Variants in PPP1R13L observed in about 807,000 individuals in gnomAD.
PPP1R13L encodes relA-associated inhibitor.
In PPP1R13L, 50 loss-of-function variants were observed where a neutral mutation model predicts 80.9. The ratio of observed to expected loss-of-function variants is 0.62; its 90% CI spans 0.49 to 0.78. The LOEUF (loss-of-function observed/expected upper bound fraction) is 0.78, where lower values mean the gene tolerates loss of function less well. PPP1R13L is among the 30% of genes least tolerant of loss of function. The probability of loss-of-function intolerance (pLI) is 0.00; values close to 1 mark genes in which losing one functional copy is unlikely to be tolerated. For missense variants in PPP1R13L, 1,200 were observed against 1,205.9 expected, an observed-to-expected ratio of 1.00 and a Z score of 0.07; for synonymous variants, 602 against 534.3, an observed-to-expected ratio of 1.13 and a Z score of -1.75.
In PPP1R13L at chr19:45,398,045, G is replaced by C; in HGVS notation, c.158C>G (p.Ser53Cys). 1 of 1,614,048 alleles carries C rather than the reference G, an allele frequency of 6.2e-7. No individual in the cohort carries two copies. The change falls in exon 3 of 13, where the codon TCT becomes TGT. Residue 53 changes from serine to cysteine, a missense_variant. This residue lies in a region of PPP1R13L where 764 missense variants were observed against 714.5 expected (regional missense o/e 1.07). Transcript: ENST00000360957. ...GGCCTGCGGGCCAGGAGGCGCGGGA[G>C]AGTCTGACCACAGCGACTCCAGCTG... Reference protein sequence around the residue: ...TKQLESLWSDSPAPPGPQAGP... With the variant: ...TKQLESLWSDCPAPPGPQAGP...
At chr19:45,389,589 C>G (rs1972930249) in intron 8 of PPP1R13L, among the ~76,000 whole-genome samples, 1 of 152,044 alleles carries the variant, frequency 6.6e-6, no homozygotes, top group Admixed American at 6.6e-5. Flanking sequence ...GCGGGCAGAT[C>G]ACTTGAGGTC....
chr19:45,395,388 T>G, intron 7 of PPP1R13L, 48 bp downstream of exon 7: 2 of 1,562,294 alleles, frequency 1.3e-6, no homozygotes, highest in Non-Finnish European at 8.6e-7. Context: ...CCCCCTGCCA[T>G]TTGTCCTCCC....
At chr19:45,402,318 T>C (rs1973249623) in intron 1 of PPP1R13L, among the ~76,000 whole-genome samples, 2 of 152,210 alleles carry the variant, frequency 1.3e-5, no homozygotes, top group African/African-American at 2.4e-5. Flanking sequence ...CCTAGCCTCA[T>C]GGGATCCTCC....
At position 45,395,866 on chromosome 19, in the gene PPP1R13L, G is replaced by T; in HGVS notation, c.924C>A (p.Thr308=). 2 of 1,594,246 alleles carry T rather than the reference G, an allele frequency of 1.3e-6. No homozygotes were observed. The highest frequency in any genetic ancestry group is 2.3e-5 in the South Asian group (2 of 88,164). Residue 308 remains threonine (T), a synonymous_variant, in exon 7 of 13, where the codon ACC becomes ACA. Coordinates refer to ENST00000360957, the MANE Select transcript of PPP1R13L (RefSeq NM_006663.4). The part of the protein sequence containing the change: ...GTGKDNLTSA[T]LPRNYKVSPL... ...GAGAGACCTTGTAATTGCGCGGCAGGGTGGCGCTAGTGAGGTTGTCCTGGG... is the reference window on the plus strand; with the variant it reads ...GAGAGACCTTGTAATTGCGCGGCAGTGTGGCGCTAGTGAGGTTGTCCTGGG...
intron 1 of PPP1R13L, among the ~76,000 whole-genome samples, chr19:45,403,508 T>C (rs1973271196): frequency 6.6e-6 from 1 of 152,128 alleles, no homozygotes; most frequent in Non-Finnish European, 1.5e-5. Flanking sequence ...AGACAGAAGC[T>C]GGCAAAAGCC....
At chr19:45,392,600 A>C in intron 7 of PPP1R13L, 2 of 580,776 alleles carry the variant, frequency 3.4e-6, no homozygotes, top group South Asian at 3.8e-5. Flanking sequence ...TGTGAGGTAG[A>C]TACACTGCCA....
At chr19:45,383,611 A>G (rs1313777667) in intron 11 of PPP1R13L, among the ~76,000 whole-genome samples, 2 of 151,360 alleles carry the variant, frequency 1.3e-5, no homozygotes, top group African/African-American at 4.9e-5. Context: ...TCCTTCTTGT[A>G]CATTGCTGAA....
intron 8 of PPP1R13L, among the ~76,000 whole-genome samples, chr19:45,389,942 C>G (rs935955038): frequency 2.0e-5 from 3 of 151,544 alleles, no homozygotes; most frequent in African/African-American, 7.3e-5. Flanking sequence ...TACAGGCGCC[C>G]GCCACCACCC....
At chr19:45,400,760 ATTTTTTTTT>A (rs887299061) in intron 1 of PPP1R13L, among the ~76,000 whole-genome samples, 3 of 25,966 alleles carry the variant, frequency 1.2e-4, no homozygotes, top group Non-Finnish European at 1.7e-4. Context: ...CACCCAGCTA[ATTTTTTTTT>A]TTTTTTTTTT....
chr19:45,397,126 C>T (rs1472172419), intron 3 of PPP1R13L, 68 bp from the exon 4 acceptor site: 3 of 1,198,284 alleles, frequency 2.5e-6, no homozygotes, highest in African/African-American at 1.6e-5. Flanking sequence ...GGTGTGTGGG[C>T]GGGGGTGTCA....
At chr19:45,383,364 GT>G in intron 11 of PPP1R13L, among the ~76,000 whole-genome samples, 1 of 143,986 alleles carries the variant, frequency 6.9e-6, no homozygotes, top group East Asian at 2.0e-4. Flanking sequence ...CAATGGTGCG[GT>G]CTCACTGCAA....
chr19:45,382,600 C>G lies in PPP1R13L; in HGVS notation c.2375G>C (p.Gly792Ala), dbSNP rs760263326. Residue 792 changes from glycine to alanine, a missense_variant, in exon 12 of 13, where the codon GGG becomes GCG. Around this residue, in one of 5 missense-constraint regions of PPP1R13L, gnomAD observed 165 missense variants for 177.1 expected, o/e 0.93. Coordinates refer to ENST00000360957, the MANE Select transcript of PPP1R13L (RefSeq NM_006663.4). ...CCACCACCAGTCGGTCTCCTCCGGC[C>G]CGTCCCTCCGCAGCACGGTGACCGA... Reference protein sequence around the residue: ...GESVTVLRRDGPEETDWWWAA... With the variant: ...GESVTVLRRDAPEETDWWWAA... 3 of 1,613,536 alleles carry G rather than the reference C, an allele frequency of 1.9e-6. No individual in the cohort carries two copies. The highest frequency in any genetic ancestry group is 2.2e-5 in the East Asian group (1 of 44,900).
chr19:45,403,526 T>G (rs939471496), intron 1 of PPP1R13L, among the ~76,000 whole-genome samples: 4 of 152,188 alleles, frequency 2.6e-5, no homozygotes, highest in African/African-American at 9.6e-5. Flanking sequence ...GCCCAGGGTG[T>G]GGGCAATATC....
At chr19:45,394,196 A>T (rs1404339102) in intron 7 of PPP1R13L, among the ~76,000 whole-genome samples, 1 of 152,134 alleles carries the variant, frequency 6.6e-6, no homozygotes, top group Non-Finnish European at 1.5e-5. Context: ...CAGTGGCGCT[A>T]TCACAGCTCA....
intron 7 of PPP1R13L, 143 bp from the exon 8 acceptor site, chr19:45,392,483 T>G: frequency 1.2e-6 from 1 of 843,496 alleles, no homozygotes; most frequent in Non-Finnish European, 2.0e-6. Context: ...GGCTACACTT[T>G]CCTTGGGCTG....
intron 1 of PPP1R13L, among the ~76,000 whole-genome samples, chr19:45,401,390 G>C (rs1973231596): frequency 6.6e-6 from 1 of 151,188 alleles, no homozygotes; most frequent in South Asian, 2.1e-4. Flanking sequence ...AGAGACAGGG[G>C]TCTCACTTTG....
At chr19:45,397,348 A>ATTTC (rs748034837) in intron 3 of PPP1R13L, among the ~76,000 whole-genome samples, 80 of 147,452 alleles carry the variant, frequency 5.4e-4, no homozygotes, top group South Asian at 4.7e-3. Flanking sequence ...CCTCTTTTCT[A>ATTTC]TTTCTTTCTT....
Position 45,401,027 on chromosome 19 carries a change from C to T in PPP1R13L, c.-21-2688G>A, listed in dbSNP as rs1361461678. ...TCCTGACCTCATGATCCGCCCGCCTCGGCCTCCCAAAGTGCTGGGATTACA... is the reference window on the plus strand; with the variant it reads ...TCCTGACCTCATGATCCGCCCGCCTTGGCCTCCCAAAGTGCTGGGATTACA... On this transcript the variant is annotated intron_variant, in intron 1 of 12. Transcript: ENST00000360957. 1.7e-5 allele frequency among the ~76,000 whole-genome samples: 2 copies of T among 120,094 alleles called. 1 individual carries two copies. The allele number at this position is 120,094 out of a possible 152,430, so 78.8% of individuals were successfully genotyped here.
At position 45,382,988 on chromosome 19, in the gene PPP1R13L, TTTTC is replaced by T. The variant is rs888674010; in HGVS notation, c.2249-266_2249-263del. On this transcript the variant is annotated intron_variant, in intron 11 of 12. Transcript: ENST00000360957. ...AGGCAGGGTCAGAGGCTCCCATTTC[TTTTC>T]TTTCTTTTTTTTTTTTTTTTGAGAC... Among the ~76,000 whole-genome samples, 12 of 113,130 alleles carry T rather than the reference TTTTC, an allele frequency of 1.1e-4. No homozygotes were observed. The East Asian group carries it at 2.2e-3, about 21-fold the overall frequency. 74.2% of individuals were successfully genotyped at this position (113,130 alleles called of 152,430 possible). A position where few individuals can be genotyped will look rare whatever the true frequency, so the allele number is the denominator to read the frequency against.
Sources: gnomAD v4.1 joint callset for allele counts (sites outside exome capture counted in the v4.1 genomes callset) on GRCh38, gnomAD v4.1.1 for gene constraint, gnomAD v4.1.1 regional missense constraint, MANE v1.5 for transcripts, NCBI Gene and HGNC (gene_info 2026-07-23, HGNC 2026-07-21) for gene names.